PCNT: variants seen among roughly 807,000 people sequenced by gnomAD.
PCNT encodes the protein kendrin.
PCNT carries 319 observed loss-of-function variants against 380.4 expected under a neutral mutation model. The observed-to-expected ratio is 0.84, with a 90% CI of 0.77 to 0.92. PCNT has a LOEUF of 0.92. Among genes scored for constraint, PCNT ranks in the 40% least tolerant of loss-of-function variants. The probability of loss-of-function intolerance (pLI) is 0.00; values close to 1 mark genes in which losing one functional copy is unlikely to be tolerated. For missense variants in PCNT, 4,400 were observed against 4,255.3 expected (o/e 1.03, Z -0.95); for synonymous variants, 1,845 against 1,735.2 (o/e 1.06, Z -1.57).
chr21:46,346,767 G>A lies in PCNT; in HGVS notation c.745G>A (p.Ala249Thr), dbSNP rs755764949. The A allele has an allele frequency of 1.9e-6, 3 of 1,597,108 alleles. No individual in the cohort carries two copies. The East Asian group carries it at 6.8e-5, about 36-fold the overall frequency. Residue 249 changes from alanine (A) to threonine (T), a missense_variant, in exon 5 of 47, where the codon GCG becomes ACG. Coordinates refer to ENST00000359568, the MANE Select transcript of PCNT (RefSeq NM_006031.6). ...GGCCGTGCATGGCCTTGAGCTGGAGGCGCTGCGCCTGAGTCTGAGCAACAT... is the reference window on the plus strand; with the variant it reads ...GGCCGTGCATGGCCTTGAGCTGGAGACGCTGCGCCTGAGTCTGAGCAACAT... ...SQAVHGLELEALRLSLSNMHT... is the reference protein window; with the variant it reads ...SQAVHGLELETLRLSLSNMHT...
At chr21:46,356,388 C>T (rs1167258478) in intron 12 of PCNT, among the ~76,000 whole-genome samples, 1 of 152,250 alleles carries the variant, frequency 6.6e-6, no homozygotes, top group East Asian at 1.9e-4. Context: ...CCCTGCACCA[C>T]AATTGTCCCC....
Position 46,353,111 on chromosome 21 carries a change from T to C in PCNT, c.1464T>C (p.His488=). The part of the protein sequence containing the change: ...RTSRQELSEL[H]EQLLARTSRV... ...GACTCCGTTATGTTGCAGAGCTACA[T>C]GAGCAACTCCTGGCGCGCACCTCTC... is the stretch of plus-strand genomic sequence containing the variant. Residue 488 remains histidine (H), a synonymous_variant, in exon 10 of 47, where the codon CAT becomes CAC. Transcript: ENST00000359568. 3.1e-6 allele frequency: 5 copies of C among 1,613,758 alleles called. No homozygotes were observed. The highest frequency in any genetic ancestry group is 3.4e-6 in the Non-Finnish European group (4 of 1,179,840).
At position 46,432,022 on chromosome 21, in the gene PCNT, A is replaced by C; in HGVS notation, c.8558A>C (p.Gln2853Pro). ...LKSTVEALHT[Q>P]KRELRCSLER... ...TCGACGGTGGAAGCCCTGCACACCC[A>C]AAAACGAGAGCTGAGATGCTCTCTG... The change falls in exon 38 of 47, where the codon CAA (glutamine) becomes CCA (proline). Residue 2853 changes from glutamine (Q) to proline (P), a missense_variant. Transcript: ENST00000359568. 6.2e-7 allele frequency: 1 copy of C among 1,613,838 alleles called. No homozygotes were observed. The highest frequency in any genetic ancestry group is 8.5e-7 in the Non-Finnish European group (1 of 1,180,010).
intron 15 of PCNT, among the ~76,000 whole-genome samples, chr21:46,367,633 G>A (rs1393496114): frequency 6.6e-6 from 1 of 152,116 alleles, no homozygotes; most frequent in Non-Finnish European, 1.5e-5. Context: ...ACACTGAGTT[G>A]AAGGGTTATT....
chr21:46,405,882 C>T (rs1204856211), intron 27 of PCNT, among the ~76,000 whole-genome samples: 1 of 152,132 alleles, frequency 6.6e-6, no homozygotes, highest in Non-Finnish European at 1.5e-5. Flanking sequence ...TAAGGACAAT[C>T]CCCAATATTT....
At chr21:46,344,470 T>C (rs2084003223) in intron 3 of PCNT, among the ~76,000 whole-genome samples, 1 of 152,238 alleles carries the variant, frequency 6.6e-6, no homozygotes, top group South Asian at 2.1e-4. Context: ...GAGCCCACCA[T>C]GCCGCCCTTC....
chr21:46,390,180 G>A (rs117762749), intron 19 of PCNT, among the ~76,000 whole-genome samples: 2,283 of 152,324 alleles, frequency 0.015, 28 homozygotes, highest in Non-Finnish European at 0.024. Context: ...AGGCGTGGTG[G>A]CATGCGTCTG....
intron 29 of PCNT, among the ~76,000 whole-genome samples, chr21:46,414,328 C>A (rs1200252697): frequency 6.6e-6 from 1 of 152,088 alleles, no homozygotes; most frequent in Non-Finnish European, 1.5e-5. Flanking sequence ...CTGCACCTCG[C>A]CTCCTCCAGT....
chr21:46,371,911 T>G (rs1344890299), intron 15 of PCNT, among the ~76,000 whole-genome samples: 2 of 140,734 alleles, frequency 1.4e-5, no homozygotes, highest in African/African-American at 5.4e-5. Flanking sequence ...ACAGCACATG[T>G]GCGCACACAG....
intron 2 of PCNT, among the ~76,000 whole-genome samples, chr21:46,326,801 G>T (rs1393264477): frequency 1.3e-5 from 2 of 152,062 alleles, no homozygotes; most frequent in Admixed American, 1.3e-4. Context: ...ATCACCTGAG[G>T]TCAGGAGTTC....
chr21:46,422,976 G>A (rs983977866), intron 32 of PCNT, among the ~76,000 whole-genome samples: 1 of 152,112 alleles, frequency 6.6e-6, no homozygotes, highest in East Asian at 1.9e-4. Flanking sequence ...GGCTGGGCAC[G>A]GTGGCTCATG....
In PCNT at chr21:46,432,218, G is replaced by C; in HGVS notation, c.8751+3G>C. Reference sequence around the variant, plus strand: ...GGCAGAGAGACAAGGAGAAGCTGGTGAGAGCCGCCTGCCGGCGGAGCGTCC... The same window carrying C: ...GGCAGAGAGACAAGGAGAAGCTGGTCAGAGCCGCCTGCCGGCGGAGCGTCC... On this transcript the variant is annotated splice_donor_region_variant and intron_variant, in intron 38 of 46. Transcript: ENST00000359568. 6.2e-7 allele frequency: 1 copy of C among 1,605,136 alleles called. No individual in the cohort carries two copies. Among genetic ancestry groups the C allele is most frequent in the Non-Finnish European group, 8.5e-7 (1 of 1,176,998 alleles).
intron 15 of PCNT, among the ~76,000 whole-genome samples, chr21:46,372,188 C>G (rs2085167178): frequency 6.7e-6 from 1 of 150,098 alleles, no homozygotes; most frequent in African/African-American, 2.5e-5. Context: ...CATGCACACA[C>G]AGCACACACA....
intron 11 of PCNT, among the ~76,000 whole-genome samples, 158 bp downstream of exon 11, chr21:46,354,226 G>A (rs1194375119): frequency 2.6e-5 from 4 of 152,188 alleles, no homozygotes; most frequent in Admixed American, 1.3e-4. Flanking sequence ...GCTGCTCCGC[G>A]GTGGGCCTCA....
chr21:46,374,220 C>A (rs1236282405), intron 15 of PCNT, among the ~76,000 whole-genome samples: 1 of 152,162 alleles, frequency 6.6e-6, no homozygotes, highest in Non-Finnish European at 1.5e-5. Context: ...TTCAATACAT[C>A]AGTCCCCCTC....
At chr21:46,393,605 G>A (rs769834168) in intron 21 of PCNT, among the ~76,000 whole-genome samples, 12 of 152,170 alleles carry the variant, frequency 7.9e-5, no homozygotes, top group African/African-American at 1.2e-4. Context: ...CAGTCACTTC[G>A]TTTGTCAGGC....
In PCNT at chr21:46,416,723, C is replaced by T; in HGVS notation, c.6805C>T (p.Pro2269Ser). Residue 2269 changes from proline to serine, a missense_variant, in exon 30 of 47, where the codon CCA becomes TCA. By Grantham distance (74) the Pro-to-Ser change is moderately conservative. Coordinates refer to ENST00000359568, the MANE Select transcript of PCNT (RefSeq NM_006031.6). Reference sequence around the variant, plus strand: ...GGGGGACAGGGCGGACACCTCGCTGCCACAGACCCAGGGGCCGGGGCTGCT... The same window carrying T: ...GGGGGACAGGGCGGACACCTCGCTGTCACAGACCCAGGGGCCGGGGCTGCT... ...SLGDRADTSLPQTQGPGLLCS... is the reference protein window; with the variant it reads ...SLGDRADTSLSQTQGPGLLCS... 1 of 1,584,504 alleles carries T rather than the reference C, an allele frequency of 6.3e-7. No homozygotes were observed. Among genetic ancestry groups the T allele is most frequent in the East Asian group, 2.2e-5 (1 of 44,494 alleles).
At chr21:46,442,731 G>A in intron 44 of PCNT, 158 bp downstream of exon 44, 1 of 680,358 alleles carries the variant, frequency 1.5e-6, no homozygotes. Flanking sequence ...CAGAGGGAAG[G>A]CGCGCCCGGC....
intron 14 of PCNT, among the ~76,000 whole-genome samples, chr21:46,365,999 G>C (rs1349070569): frequency 6.6e-6 from 1 of 151,042 alleles, no homozygotes; most frequent in Non-Finnish European, 1.5e-5. Flanking sequence ...CTGCCGTGGG[G>C]TTCTGTTCAC....
Sources: allele counts gnomAD v4.1 joint callset (sites outside exome capture counted in the v4.1 genomes callset), GRCh38; gene constraint gnomAD v4.1.1; transcripts MANE v1.5; gene names NCBI Gene and HGNC (gene_info 2026-07-23, HGNC 2026-07-21).